Variants in ELF2 observed in about 807,000 individuals in gnomAD.
ELF2 encodes ETS-related transcription factor Elf-2.
In ELF2, 11 loss-of-function variants were observed where a neutral mutation model predicts 54.8. The ratio of observed to expected loss-of-function variants is 0.20; its 90% CI spans 0.13 to 0.33. ELF2 has a LOEUF of 0.33. Ranked by LOEUF, ELF2 falls within the 10% of genes least tolerant of loss-of-function variation. The probability of loss-of-function intolerance (pLI) is 1.00; values close to 1 mark genes in which losing one functional copy is unlikely to be tolerated. For synonymous variants in ELF2, 203 were observed against 245.1 expected, an observed-to-expected ratio of 0.83 and a Z score of 1.61; for missense variants, 513 against 703.0, an observed-to-expected ratio of 0.73 and a Z score of 3.06.
intron 1 of ELF2, among the ~76,000 whole-genome samples, chr4:139,156,897 G>T (rs893702990): frequency 4.6e-5 from 7 of 152,086 alleles, no homozygotes; most frequent in African/African-American, 1.7e-4. Flanking sequence ...GCCTCCCAAA[G>T]CGCTGGGATT....
chr4:139,135,912 T>C (rs1457599938), intron 3 of ELF2, among the ~76,000 whole-genome samples: 2 of 152,192 alleles, frequency 1.3e-5, no homozygotes, highest in Non-Finnish European at 2.9e-5. Flanking sequence ...TGAAGTTCCA[T>C]GTAAAGGAAG....
At chr4:139,115,546 T>C (rs1345790888) in intron 4 of ELF2, among the ~76,000 whole-genome samples, 1 of 151,608 alleles carries the variant, frequency 6.6e-6, no homozygotes, top group East Asian at 1.9e-4. Flanking sequence ...CCCCCTGACA[T>C]GGATTTCTAT....
chr4:139,127,485 A>G (rs1330113473), intron 3 of ELF2, among the ~76,000 whole-genome samples: 1 of 152,170 alleles, frequency 6.6e-6, no homozygotes, highest in Non-Finnish European at 1.5e-5. Flanking sequence ...TCCTAACTCA[A>G]TTAGCTTGGT....
chr4:139,119,024 A>AAAAAC (rs1189706000), intron 4 of ELF2, among the ~76,000 whole-genome samples: 2 of 152,248 alleles, frequency 1.3e-5, no homozygotes, highest in African/African-American at 4.8e-5. Flanking sequence ...TAAAGGGCAA[A>AAAAAC]AAAACAAAAC....
chr4:139,171,363 T>C (rs1742293025), intron 1 of ELF2, among the ~76,000 whole-genome samples: 1 of 152,110 alleles, frequency 6.6e-6, no homozygotes, highest in Non-Finnish European at 1.5e-5. Flanking sequence ...GTCGCACCAC[T>C]GCACTCCAGC....
intron 1 of ELF2, among the ~76,000 whole-genome samples, chr4:139,155,745 G>A (rs975564545): frequency 2.7e-4 from 41 of 152,104 alleles, no homozygotes; most frequent in Admixed American, 7.9e-4. Context: ...GAAAGAATTC[G>A]CTTTTGAAAA....
chr4:139,150,794 G>A (rs753582383), intron 1 of ELF2, among the ~76,000 whole-genome samples: 6 of 151,964 alleles, frequency 3.9e-5, no homozygotes, highest in Non-Finnish European at 8.8e-5. Context: ...AGGCTGAGGC[G>A]TGTGGATCAC....
At chr4:139,145,151 T>G (rs1739101013) in intron 1 of ELF2, among the ~76,000 whole-genome samples, 1 of 152,220 alleles carries the variant, frequency 6.6e-6, no homozygotes, top group African/African-American at 2.4e-5. Context: ...CATGACCCAG[T>G]TATCAGCACT....
intron 1 of ELF2, among the ~76,000 whole-genome samples, chr4:139,162,611 T>C (rs1057014152): frequency 1.3e-5 from 2 of 152,180 alleles, no homozygotes; most frequent in Admixed American, 1.3e-4. Flanking sequence ...ATTTGAAATA[T>C]TAAAATTATG....
Position 139,060,489 on chromosome 4 carries a change from A to G in ELF2, c.992T>C (p.Leu331Pro). Residue 331 changes from leucine (L) to proline (P), a missense_variant, in exon 9 of 10, where the codon CTG becomes CCG. Physicochemically the swap from Leu to Pro is moderately conservative, Grantham distance 98. Around this residue, in one of 3 missense-constraint regions of ELF2, gnomAD observed 291 missense variants for 366.1 expected, o/e 0.79. Coordinates refer to ENST00000686138, the MANE Select transcript of ELF2 (RefSeq NM_001331036.3). ...ACTGCGAACAGAGGATGCTGCTTTC[A>G]GGAGACTTTCTGCAGACAGTGACAC... ...ERVSLSAESLLKAASSVRSGK... is the reference protein window; with the variant it reads ...ERVSLSAESLPKAASSVRSGK... The G allele has an allele frequency of 1.2e-6, 2 of 1,614,218 alleles. No individual in the cohort carries two copies. The highest frequency in any genetic ancestry group is 1.7e-6 in the Non-Finnish European group (2 of 1,180,046).
At chr4:139,115,050 G>A (rs1314759467) in intron 4 of ELF2, 56 of 1,613,764 alleles carry the variant, frequency 3.5e-5, no homozygotes, top group Non-Finnish European at 4.5e-5. Context: ...TGGCAGCCCG[G>A]GCATCGTCAC....
chr4:139,151,029 AAAAAAAGAAAGAAAGAAAG>A (rs1233152880), intron 1 of ELF2, among the ~76,000 whole-genome samples: 11 of 128,040 alleles, frequency 8.6e-5, no homozygotes, highest in African/African-American at 3.8e-4. Flanking sequence ...ATCTCAAAAA[AAAAAAAGAAAGAAAGAAAG>A]AAAGAAAGAA....
At position 139,059,318 on chromosome 4, in the gene ELF2, TTCCTGA is replaced by T. The variant is rs780236996; in HGVS notation, c.1441_1446del (p.Gly482_Ser483del). 1.2e-6 allele frequency: 2 copies of T among 1,614,002 alleles called. No individual in the cohort carries two copies. Among genetic ancestry groups the T allele is most frequent in the Non-Finnish European group, 1.7e-6 (2 of 1,179,868 alleles). On this transcript the variant is annotated inframe_deletion, in exon 10 of 10. Transcript: ENST00000686138. ...AATGGGGTTCCAACAATGTTAATGC[TTCCTGA>T]TCCAGTCAGATTTGACTTTGTCTGC...
chr4:139,169,436 C>A (rs1742046588), intron 1 of ELF2, among the ~76,000 whole-genome samples: 1 of 151,848 alleles, frequency 6.6e-6, no homozygotes, highest in Admixed American at 6.6e-5. Context: ...CAAAAAAATA[C>A]TTCTGCAAGG....
At chr4:139,146,949 TTC>T (rs1316087042) in intron 1 of ELF2, among the ~76,000 whole-genome samples, 8 of 152,186 alleles carry the variant, frequency 5.3e-5, no homozygotes, top group African/African-American at 1.9e-4. Flanking sequence ...AAAAAAATTC[TTC>T]TGGACATTGG....
At chr4:139,095,475 G>C (rs1403286313) in intron 4 of ELF2, among the ~76,000 whole-genome samples, 1 of 152,068 alleles carries the variant, frequency 6.6e-6, no homozygotes, top group Non-Finnish European at 1.5e-5. Context: ...ATGAGCCACT[G>C]TGCCAGCCTG....
At chr4:139,080,321 C>T (rs1188817419) in intron 4 of ELF2, among the ~76,000 whole-genome samples, 1 of 152,046 alleles carries the variant, frequency 6.6e-6, no homozygotes, top group Non-Finnish European at 1.5e-5. Context: ...TAGTGTCATT[C>T]CTTGAGTTTC....
chr4:139,154,889 A>G (rs1034055715), intron 1 of ELF2, among the ~76,000 whole-genome samples: 2 of 152,206 alleles, frequency 1.3e-5, no homozygotes, highest in Non-Finnish European at 2.9e-5. Flanking sequence ...TCAAAGACTC[A>G]AAAGAATACA....
intron 8 of ELF2, among the ~76,000 whole-genome samples, chr4:139,061,657 CA>C (rs1366457525): frequency 6.6e-6 from 1 of 152,070 alleles, no homozygotes. Flanking sequence ...ACATTTTCTG[CA>C]AAAATGAATT....
Sources: allele counts gnomAD v4.1 joint callset (sites outside exome capture counted in the v4.1 genomes callset), GRCh38; gene constraint gnomAD v4.1.1; regional missense constraint gnomAD v4.1.1; transcripts MANE v1.5; gene names NCBI Gene and HGNC (gene_info 2026-07-23, HGNC 2026-07-21).